Variants in PCLO observed in about 807,000 individuals in gnomAD.
The protein encoded by PCLO is protein piccolo.
PCLO carries 82 observed loss-of-function variants against 427.5 expected under a neutral mutation model. The ratio of observed to expected loss-of-function variants is 0.19; its 90% CI spans 0.16 to 0.23. The LOEUF (loss-of-function observed/expected upper bound fraction) is 0.23, where lower values mean the gene tolerates loss of function less well. PCLO is among the 10% of genes least tolerant of loss of function. The pLI, the probability that PCLO is intolerant of heterozygous loss-of-function variation, is 1.00. For synonymous variants in PCLO, 2,357 were observed against 2,155.4 expected, an observed-to-expected ratio of 1.09 and a Z score of -2.59; for missense variants, 6,239 against 6,115.9, an observed-to-expected ratio of 1.02 and a Z score of -0.67.
intron 22 of PCLO, among the ~76,000 whole-genome samples, chr7:82,772,560 TTATACAA>T (rs1790669022): frequency 6.6e-6 from 1 of 152,150 alleles, no homozygotes; most frequent in Non-Finnish European, 1.5e-5. Context: ...ACGAGATATT[TTATACAA>T]TAAGGCAGGC....
Position 82,760,795 on chromosome 7 carries a change from G to A in PCLO, c.15143-11C>T, listed in dbSNP as rs1430291288. On this transcript the variant is annotated splice_polypyrimidine_tract_variant and intron_variant, in intron 23 of 24. Coordinates refer to ENST00000333891, the MANE Select transcript of PCLO (RefSeq NM_033026.6). ...TTTTCACATATAAATCTGAAAATAA[G>A]AATTCAGCCCATTAAATTCCATCAA... 7.4e-7 allele frequency: 1 copy of A among 1,347,086 alleles called. No homozygotes were observed. The highest frequency in any genetic ancestry group is 1.0e-6 in the Non-Finnish European group (1 of 971,428). 83.4% of individuals were successfully genotyped at this position (1,347,086 alleles called of 1,614,324 possible). A position where few individuals can be genotyped will look rare whatever the true frequency, so the allele number is the denominator to read the frequency against.
intron 2 of PCLO, among the ~76,000 whole-genome samples, 197 bp from the exon 3 acceptor site, chr7:83,135,853 AC>A (rs1791714338): frequency 6.6e-6 from 1 of 152,142 alleles, no homozygotes; most frequent in Admixed American, 6.5e-5. Context: ...TAATCCCAGC[AC>A]ATTGGGAGGC....
chr7:82,815,809 G>T (rs1381305740), intron 20 of PCLO, among the ~76,000 whole-genome samples: 2 of 151,870 alleles, frequency 1.3e-5, no homozygotes, highest in Non-Finnish European at 2.9e-5. Flanking sequence ...ATTACTTTTT[G>T]CACCAACCTA....
chr7:82,951,678 A>T (rs555764183), intron 5 of PCLO, among the ~76,000 whole-genome samples, 178 bp downstream of exon 5: 111 of 152,194 alleles, frequency 7.3e-4, no homozygotes, highest in African/African-American at 2.6e-3. Flanking sequence ...AGCAGAACAA[A>T]TTTTTTTTAA....
rs893138794 is a variant in PCLO, at chr7:82,758,379, G to T, written c.*196C>A. 4.4e-6 allele frequency: 2 copies of T among 457,954 alleles called. No individual in the cohort carries two copies. The highest frequency in any genetic ancestry group is 7.7e-6 in the Non-Finnish European group (2 of 258,856). The allele number at this position is 457,954 out of a possible 1,614,324, so 28.4% of individuals were successfully genotyped here. ...CAGAACTCCATTCTTCTTGTTTTCA[G>T]TATGTGAACTTTTTCAGTTGAATAT... On this transcript the variant is annotated 3_prime_UTR_variant, in exon 25 of 25. Transcript: ENST00000333891.
chr7:82,909,159 T>A lies in PCLO; in HGVS notation c.13301-146A>T, dbSNP rs1306853289. On this transcript the variant is annotated intron_variant, in intron 7 of 24. Transcript: ENST00000333891. ...ACATCTCCCCTTGGGACTAGAAAAA[T>A]TATTTTTGTTATTATGCCAAAAATC... The A allele has an allele frequency of 1.7e-5, 12 of 695,936 alleles. No homozygotes were observed. The Admixed American group carries it at 3.6e-4, about 21-fold the overall frequency. 43.1% of individuals were successfully genotyped at this position (695,936 alleles called of 1,614,324 possible). A position where few individuals can be genotyped will look rare whatever the true frequency, so the allele number is the denominator to read the frequency against.
In PCLO at chr7:83,155,225, T is replaced by C; in HGVS notation, c.1416A>G (p.Gln472=). 3.7e-6 allele frequency: 6 copies of C among 1,613,014 alleles called. No individual in the cohort carries two copies. Among genetic ancestry groups the C allele is most frequent in the Non-Finnish European group, 5.1e-6 (6 of 1,179,658 alleles). ...GTGGGGGCTTTGCTGGGCCAGGCAG[T>C]TGTGAAGGAGGCTTTGTTGGGCCAG... ...QQTGPTKPPS[Q]LPGPAKPPPQ... The change falls in exon 2 of 25, where the codon CAA becomes CAG. Residue 472 remains glutamine, a synonymous_variant. Coordinates refer to ENST00000333891, the MANE Select transcript of PCLO (RefSeq NM_033026.6).
rs1356583512 is a variant in PCLO at position 82,916,111 on chromosome 7, T to A, written c.11875A>T (p.Ile3959Leu). The change falls in exon 7 of 25, where the codon ATA (isoleucine) becomes TTA (leucine). Residue 3959 changes from isoleucine to leucine, a missense_variant. Physicochemically the swap from Ile to Leu is conservative, Grantham distance 5. This residue lies in a region of PCLO where 680 missense variants were observed against 677.3 expected (regional missense o/e 1.00). Transcript: ENST00000333891. ...GTAGTTTGCCGTGGCTTCTGTTGTA[T>A]CACCATCATCTGTGAAGGTAACTGA... is the stretch of plus-strand genomic sequence containing the variant. ...SYQLPSQMMVIQQKPRQTTLY... is the reference protein window; with the variant it reads ...SYQLPSQMMVLQQKPRQTTLY... 5 of 1,613,572 alleles carry A rather than the reference T, an allele frequency of 3.1e-6. No homozygotes were observed. In the Admixed American group the frequency reaches 5.0e-5, roughly 16 times the overall value.
At chr7:82,817,919 A>G (rs73710004) in intron 20 of PCLO, among the ~76,000 whole-genome samples, 2 of 152,132 alleles carry the variant, frequency 1.3e-5, no homozygotes. Flanking sequence ...AAAATAGCTC[A>G]GGTTTTTCAC....
intron 6 of PCLO, among the ~76,000 whole-genome samples, chr7:82,931,507 G>T (rs1794839561): frequency 6.6e-6 from 1 of 152,122 alleles, no homozygotes; most frequent in Non-Finnish European, 1.5e-5. Context: ...AGTTGCCATT[G>T]AAGTTATCAT....
intron 4 of PCLO, among the ~76,000 whole-genome samples, chr7:82,963,490 A>G (rs1795698342): frequency 6.6e-6 from 1 of 152,094 alleles, no homozygotes; most frequent in South Asian, 2.1e-4. Flanking sequence ...GTGAGAACAA[A>G]CTGTGAGCTA....
At chr7:82,817,115 C>T (rs1791692936) in intron 20 of PCLO, among the ~76,000 whole-genome samples, 1 of 152,040 alleles carries the variant, frequency 6.6e-6, no homozygotes, top group African/African-American at 2.4e-5. Context: ...TCCTTATCAC[C>T]AGAGAAATAG....
rs530508311 is a variant in PCLO at position 83,034,414 on chromosome 7, C to G, written c.3301-67927G>C. ...ATGTTGGCCAAGCTGGTCTTGAACT[C>G]CTGGCCTCAAGCGATCTGCTTGCCT... On this transcript the variant is annotated intron_variant, in intron 3 of 24. Transcript: ENST00000333891. Among the ~76,000 whole-genome samples the G allele has an allele frequency of 7.9e-5, 12 of 152,316 alleles. No homozygotes were observed. The East Asian group carries it at 2.3e-3, about 29-fold the overall frequency.
In PCLO at chr7:82,863,884, G is replaced by A. The variant is rs572551618; in HGVS notation, c.13654+15453C>T. Among the ~76,000 whole-genome samples the A allele has an allele frequency of 2.6e-4, 39 of 151,896 alleles. No homozygotes were observed. In the Middle Eastern group the frequency reaches 0.01, roughly 40 times the overall value. On this transcript the variant is annotated intron_variant, in intron 10 of 24. Coordinates refer to ENST00000333891, the MANE Select transcript of PCLO (RefSeq NM_033026.6). ...CCATTTCACTTGTGGTAATACCTTC[G>A]GTATTAATAAGGAGCACCAATACAG...
chr7:83,135,431 C>T lies in PCLO; in HGVS notation c.2119G>A (p.Val707Met). ...APEPKKPPPL[V>M]KQPTLHGSPS... is the part of the protein sequence containing the mutation. ...GAGCCATGAAGGGTTGGTTGTTTCACTAGTGGTGGTGGCTTTTTAGGCTCA... is the reference window on the plus strand; with the variant it reads ...GAGCCATGAAGGGTTGGTTGTTTCATTAGTGGTGGTGGCTTTTTAGGCTCA... The change falls in exon 3 of 25, where the codon GTG becomes ATG. Residue 707 changes from valine (V) to methionine (M), a missense_variant. Physicochemically the swap from Val to Met is conservative, Grantham distance 21. This residue lies in a region of PCLO where 4,677 missense variants were observed against 4,468.4 expected (regional missense o/e 1.05). Coordinates refer to ENST00000333891, the MANE Select transcript of PCLO (RefSeq NM_033026.6). The T allele has an allele frequency of 2.5e-6, 4 of 1,613,846 alleles. No homozygotes were observed. Among genetic ancestry groups the T allele is most frequent in the Non-Finnish European group, 3.4e-6 (4 of 1,179,876 alleles).
At chr7:82,880,118 A>G (rs1030600933) in intron 9 of PCLO, among the ~76,000 whole-genome samples, 1 of 152,108 alleles carries the variant, frequency 6.6e-6, no homozygotes, top group Admixed American at 6.6e-5. Flanking sequence ...GAGAAACCTA[A>G]TTGAGATAAA....
intron 2 of PCLO, among the ~76,000 whole-genome samples, chr7:83,148,490 T>C (rs973196514): frequency 2.6e-5 from 4 of 152,200 alleles, no homozygotes; most frequent in Non-Finnish European, 4.4e-5. Flanking sequence ...ACCTGAAGTA[T>C]GGTAGATGTT....
intron 6 of PCLO, among the ~76,000 whole-genome samples, chr7:82,927,390 TC>T (rs1389681572): frequency 1.3e-5 from 2 of 152,214 alleles, no homozygotes; most frequent in African/African-American, 4.8e-5. Context: ...TCTTACTCTT[TC>T]CTAGAACAAT....
chr7:82,833,381 A>G (rs1792145471), intron 16 of PCLO, among the ~76,000 whole-genome samples: 1 of 152,168 alleles, frequency 6.6e-6, no homozygotes, highest in African/African-American at 2.4e-5. Flanking sequence ...GCTCATTTCC[A>G]TTTCTTAATT....
Sources: allele counts gnomAD v4.1 joint callset (sites outside exome capture counted in the v4.1 genomes callset), GRCh38; gene constraint gnomAD v4.1.1; regional missense constraint gnomAD v4.1.1; transcripts MANE v1.5; gene names NCBI Gene and HGNC (gene_info 2026-07-23, HGNC 2026-07-21).